The following REC114 variants were observed in gnomAD, a reference collection of about 807,000 sequenced individuals.
REC114 encodes the protein meiotic recombination protein REC114.
A neutral mutation model predicts 31.3 loss-of-function variants in REC114; 27 were observed. That is an observed-to-expected ratio of 0.86 (90% CI 0.64 to 1.19). REC114 has a LOEUF of 1.19. REC114 is among the 50% of genes most tolerant of loss of function. REC114 has a pLI of 0.00. For synonymous variants in REC114, 134 were observed against 127.7 expected (o/e 1.05, Z -0.33); for missense variants, 344 against 326.9 (o/e 1.05, Z -0.40).
chr15:73,464,453 C>T (rs754358449), intron 1 of REC114, among the ~76,000 whole-genome samples: 17 of 152,054 alleles, frequency 1.1e-4, no homozygotes, highest in Non-Finnish European at 2.1e-4. Context: ...TGTTGTTCTT[C>T]ATTGCTTTAG....
chr15:73,558,575 T>C (rs1894512136), intron 5 of REC114, among the ~76,000 whole-genome samples: 1 of 152,238 alleles, frequency 6.6e-6, no homozygotes, highest in Admixed American at 6.5e-5. Context: ...TATTAGTCAT[T>C]AGGCAAATGC....
chr15:73,460,862 A>G (rs1380123452), intron 1 of REC114, among the ~76,000 whole-genome samples: 1 of 152,160 alleles, frequency 6.6e-6, no homozygotes, highest in Non-Finnish European at 1.5e-5. Flanking sequence ...AATGTAGTCT[A>G]TTTATGGCTA....
intron 2 of REC114, among the ~76,000 whole-genome samples, chr15:73,530,403 T>C (rs1328450095): frequency 6.6e-6 from 1 of 152,234 alleles, no homozygotes; most frequent in Non-Finnish European, 1.5e-5. Context: ...GGCTTATGCC[T>C]ATAATCCCAT....
chr15:73,508,411 G>A lies in REC114; in HGVS notation c.250-32074G>A, dbSNP rs185610805. 9.6e-3 allele frequency among the ~76,000 whole-genome samples: 1,435 copies of A among 149,702 alleles called. 14 individuals carry two copies. Among genetic ancestry groups the A allele is most frequent in the South Asian group, 0.019 (89 of 4,726 alleles). ...ATATATATCAAGACTACCCTCTACCGCAGCACAGTTTCTTTTTTTTTTTTT... is the reference window on the plus strand; with the variant it reads ...ATATATATCAAGACTACCCTCTACCACAGCACAGTTTCTTTTTTTTTTTTT... On this transcript the variant is annotated intron_variant, in intron 2 of 5. Transcript: ENST00000331090.
intron 1 of REC114, among the ~76,000 whole-genome samples, chr15:73,463,501 G>T (rs1346272674): frequency 6.6e-6 from 1 of 152,170 alleles, no homozygotes; most frequent in Non-Finnish European, 1.5e-5. Flanking sequence ...ATAAATTCTT[G>T]ATGTTTTCTC....
At chr15:73,499,892 T>C (rs1429125365) in intron 2 of REC114, among the ~76,000 whole-genome samples, 1 of 152,196 alleles carries the variant, frequency 6.6e-6, no homozygotes. Context: ...CTATCCATGC[T>C]TTAAGACACA....
At chr15:73,447,901 C>A (rs1007592046) in intron 1 of REC114, among the ~76,000 whole-genome samples, 54 of 152,032 alleles carry the variant, frequency 3.6e-4, no homozygotes, top group African/African-American at 1.2e-3. Context: ...TGGGGAATCT[C>A]CCTCCCCCAG....
At chr15:73,460,551 G>A (rs1892976350) in intron 1 of REC114, among the ~76,000 whole-genome samples, 1 of 152,124 alleles carries the variant, frequency 6.6e-6, no homozygotes, top group African/African-American at 2.4e-5. Flanking sequence ...TTGATTACTG[G>A]AACTGTTATG....
intron 2 of REC114, among the ~76,000 whole-genome samples, chr15:73,529,509 G>A (rs1305714188): frequency 6.6e-6 from 1 of 152,128 alleles, no homozygotes; most frequent in Non-Finnish European, 1.5e-5. Context: ...ATAATCCAGG[G>A]AGATGGGAGT....
chr15:73,496,017 TA>T (rs751673885), intron 2 of REC114, among the ~76,000 whole-genome samples: 1 of 152,114 alleles, frequency 6.6e-6, no homozygotes. Flanking sequence ...AGCAGCATAA[TA>T]TTTTTTTATT....
chr15:73,514,739 A>G (rs1893834549), intron 2 of REC114, among the ~76,000 whole-genome samples: 1 of 152,146 alleles, frequency 6.6e-6, no homozygotes, highest in Admixed American at 6.5e-5. Context: ...ATGTTAAGAC[A>G]GCAAAATTCA....
intron 2 of REC114, among the ~76,000 whole-genome samples, chr15:73,506,333 T>C (rs1893676673): frequency 6.6e-6 from 1 of 152,208 alleles, no homozygotes; most frequent in African/African-American, 2.4e-5. Context: ...GCTTTTAATG[T>C]CACTTAGTAT....
chr15:73,488,063 G>C (rs986028756), intron 2 of REC114, among the ~76,000 whole-genome samples: 2 of 152,160 alleles, frequency 1.3e-5, no homozygotes, highest in Non-Finnish European at 2.9e-5. Flanking sequence ...TCACAGCTGG[G>C]GTGGTCAAGG....
chr15:73,502,004 T>G (rs929725836), intron 2 of REC114, among the ~76,000 whole-genome samples: 1 of 151,882 alleles, frequency 6.6e-6, no homozygotes, highest in Non-Finnish European at 1.5e-5. Flanking sequence ...ACTCAAAGAG[T>G]TATGAGCTGG....
chr15:73,518,598 G>A (rs567178893), intron 2 of REC114, among the ~76,000 whole-genome samples: 25 of 152,328 alleles, frequency 1.6e-4, no homozygotes, highest in Admixed American at 1.2e-3. Flanking sequence ...TGAATCACCT[G>A]CTCACCCCTG....
At chr15:73,473,957 C>T (rs1193757114) in intron 2 of REC114, 36 bp downstream of exon 2, 2 of 1,296,272 alleles carry the variant, frequency 1.5e-6, no homozygotes, top group Admixed American at 2.0e-5. Flanking sequence ...TATGGAAATA[C>T]ATCTTTGTCT....
At chr15:73,496,605 A>T (rs1893529978) in intron 2 of REC114, among the ~76,000 whole-genome samples, 1 of 151,102 alleles carries the variant, frequency 6.6e-6, no homozygotes. Flanking sequence ...GTGAGCTGAG[A>T]TCACGCAACT....
intron 3 of REC114, among the ~76,000 whole-genome samples, chr15:73,549,875 A>G (rs1457547866): frequency 6.6e-6 from 1 of 152,204 alleles, no homozygotes; most frequent in Non-Finnish European, 1.5e-5. Flanking sequence ...TCTGTAATCT[A>G]AATATATGGC....
chr15:73,452,483 G>A (rs948211582), intron 1 of REC114, among the ~76,000 whole-genome samples: 1 of 152,190 alleles, frequency 6.6e-6, no homozygotes, highest in Non-Finnish European at 1.5e-5. Context: ...GGCAATAAGA[G>A]AGGACAAAAA....
Sources: gnomAD v4.1 joint callset for allele counts (sites outside exome capture counted in the v4.1 genomes callset) on GRCh38, gnomAD v4.1.1 for gene constraint, MANE v1.5 for transcripts, NCBI Gene and HGNC (gene_info 2026-07-23, HGNC 2026-07-21) for gene names.